The following DPY19L1 variants were observed in gnomAD, a reference collection of about 807,000 sequenced individuals.
DPY19L1 encodes the protein dpy-19 like C-mannosyltransferase 1.
In DPY19L1, 35 loss-of-function variants were observed where a neutral mutation model predicts 96.9. The observed-to-expected ratio is 0.36, with a 90% CI of 0.28 to 0.48. The LOEUF is 0.48. Ranked by LOEUF, DPY19L1 falls within the 20% of genes least tolerant of loss-of-function variation. The pLI, the probability that DPY19L1 is intolerant of heterozygous loss-of-function variation, is 0.99. For synonymous variants in DPY19L1, 205 were observed against 252.6 expected (o/e 0.81, Z 1.79); for missense variants, 521 against 777.9 (o/e 0.67, Z 3.93).
At chr7:34,944,788 T>C (rs1356229822) in intron 16 of DPY19L1, among the ~76,000 whole-genome samples, 1 of 152,172 alleles carries the variant, frequency 6.6e-6, no homozygotes, top group Non-Finnish European at 1.5e-5. Context: ...CTCTAGAGGG[T>C]ACACTTGCAC....
intron 1 of DPY19L1, among the ~76,000 whole-genome samples, chr7:35,036,791 T>C (rs775100448): frequency 4.0e-5 from 6 of 151,882 alleles, no homozygotes; most frequent in Non-Finnish European, 7.4e-5. Flanking sequence ...CAAGTCTCGT[T>C]AGCGCAGACC....
At chr7:34,969,632 G>C in intron 8 of DPY19L1, 100 bp from the exon 9 acceptor site, 2 of 538,522 alleles carry the variant, frequency 3.7e-6, no homozygotes, top group Non-Finnish European at 6.1e-6. Flanking sequence ...ATATGATCTG[G>C]TTATAACACA....
chr7:35,015,798 C>G (rs1237225291), intron 3 of DPY19L1, among the ~76,000 whole-genome samples: 1 of 152,202 alleles, frequency 6.6e-6, no homozygotes, highest in East Asian at 1.9e-4. Context: ...TCTTGAATTC[C>G]TTCCTGCCCA....
At chr7:34,951,914 T>C (rs1166957860) in intron 13 of DPY19L1, among the ~76,000 whole-genome samples, 1 of 151,714 alleles carries the variant, frequency 6.6e-6, no homozygotes, top group Admixed American at 6.6e-5. Flanking sequence ...AATGGATACA[T>C]TTCTGGAAAA....
At position 34,931,112 on chromosome 7, in the gene DPY19L1, CAG is replaced by C. The variant is rs756661932; in HGVS notation, c.*459_*460del. The C allele has an allele frequency of 1.3e-5, 2 of 152,556 alleles. No homozygotes were observed. The highest frequency in any genetic ancestry group is 2.9e-5 in the Non-Finnish European group (2 of 68,298). The allele number at this position is 152,556 out of a possible 1,614,324, so 9.5% of individuals were successfully genotyped here. A position where few individuals can be genotyped will look rare whatever the true frequency, so the allele number is the denominator to read the frequency against. ...CATCTACTGTAACTCAAGTTGATGA[CAG>C]GGGCTGACATGACCGAAGAACTTAC... On this transcript the variant is annotated 3_prime_UTR_variant, in exon 22 of 22. Coordinates refer to ENST00000638088, the MANE Select transcript of DPY19L1 (RefSeq NM_001366673.1).
intron 11 of DPY19L1, among the ~76,000 whole-genome samples, chr7:34,956,307 G>T (rs1455360314): frequency 6.9e-6 from 1 of 145,854 alleles, no homozygotes; most frequent in Non-Finnish European, 1.5e-5. Flanking sequence ...TGAGTACTTT[G>T]TCACCTTTCC....
chr7:34,990,554 G>T (rs1393813541), intron 6 of DPY19L1, among the ~76,000 whole-genome samples: 4 of 152,156 alleles, frequency 2.6e-5, no homozygotes, highest in Admixed American at 2.6e-4. Flanking sequence ...TTCAAAAACT[G>T]GAATAGAACA....
chr7:35,013,825 A>G (rs1785773894), intron 3 of DPY19L1, 120 bp from the exon 4 acceptor site: 4 of 660,478 alleles, frequency 6.1e-6, no homozygotes, highest in Non-Finnish European at 9.4e-6. Context: ...AATACAATGA[A>G]TTTCACAGGT....
intron 7 of DPY19L1, among the ~76,000 whole-genome samples, chr7:34,989,489 G>A (rs573147010): frequency 4.5e-4 from 69 of 152,052 alleles, no homozygotes; most frequent in Non-Finnish European, 6.8e-4. Flanking sequence ...GGTGATAAGC[G>A]TCTGTAGTCC....
chr7:34,987,660 TG>T (rs1349720692), intron 7 of DPY19L1, among the ~76,000 whole-genome samples: 1 of 152,050 alleles, frequency 6.6e-6, no homozygotes, highest in Non-Finnish European at 1.5e-5. Context: ...AGTAACCCAG[TG>T]GCATTTCCAG....
At chr7:34,992,137 C>T (rs2128672789) in intron 6 of DPY19L1, among the ~76,000 whole-genome samples, 1 of 152,292 alleles carries the variant, frequency 6.6e-6, no homozygotes, top group East Asian at 1.9e-4. Flanking sequence ...GTCGTTTCTC[C>T]ACCCCTCGTG....
intron 7 of DPY19L1, among the ~76,000 whole-genome samples, chr7:34,989,277 A>G (rs1785113462): frequency 6.6e-6 from 1 of 152,236 alleles, no homozygotes; most frequent in Admixed American, 6.5e-5. Context: ...TACTTCCATT[A>G]TAACTAAATT....
At chr7:34,981,877 G>A (rs1784947466) in intron 7 of DPY19L1, among the ~76,000 whole-genome samples, 1 of 152,164 alleles carries the variant, frequency 6.6e-6, no homozygotes, top group Admixed American at 6.5e-5. Flanking sequence ...TTGAACCCGG[G>A]AGGCAGAGGC....
chr7:34,973,530 C>T lies in DPY19L1; in HGVS notation c.898G>A (p.Val300Met), dbSNP rs780780631. 1.3e-6 allele frequency: 2 copies of T among 1,535,390 alleles called. No homozygotes were observed. Among genetic ancestry groups the T allele is most frequent in the Non-Finnish European group, 1.8e-6 (2 of 1,140,976 alleles). ...CAAAGTTACCTGAGAATATGAGTCA[C>T]TAGCAACATCTGAAGAACAAGAAAT... is the stretch of plus-strand genomic sequence containing the variant. ...YPFLVLQMLL[V>M]THILRATKLY... The change falls in exon 8 of 22, where the codon GTG (valine) becomes ATG (methionine). Residue 300 changes from valine to methionine, a missense_variant. Val to Met is a conservative substitution (Grantham distance 21). Coordinates refer to ENST00000638088, the MANE Select transcript of DPY19L1 (RefSeq NM_001366673.1).
In DPY19L1 at chr7:34,959,857, G is replaced by A. The variant is rs1440658352; in HGVS notation, c.1093-1787C>T. 7.2e-4 allele frequency among the ~76,000 whole-genome samples: 102 copies of A among 142,538 alleles called. 1 individual carries two copies. The highest frequency in any genetic ancestry group is 2.5e-3 in the African/African-American group (96 of 38,666). The allele number at this position is 142,538 out of a possible 152,430, so 93.5% of individuals were successfully genotyped here. ...CTGCACATATACTCCAGAACTTAAA[G>A]TATATATATATATTTTAATATATAT... On this transcript the variant is annotated intron_variant, in intron 10 of 21. Transcript: ENST00000638088.
At chr7:34,986,235 T>TG (rs1243315932) in intron 7 of DPY19L1, among the ~76,000 whole-genome samples, 28 of 152,136 alleles carry the variant, frequency 1.8e-4, no homozygotes, top group Admixed American at 1.7e-3. Context: ...AATGATCTAT[T>TG]GTTCCACTTG....
At position 35,004,484 on chromosome 7, in the gene DPY19L1, A is replaced by G. The variant is rs1206764712; in HGVS notation, c.764+5984T>C. ...TGTCATTTCTTCTGAGGGTTGAGGG[A>G]AGGAAAGAGAATGTATTAAGAAGGA... is the stretch of plus-strand genomic sequence containing the variant. On this transcript the variant is annotated intron_variant, in intron 6 of 21. Coordinates refer to ENST00000638088, the MANE Select transcript of DPY19L1 (RefSeq NM_001366673.1). Among the ~76,000 whole-genome samples, 4 of 152,310 alleles carry G rather than the reference A, an allele frequency of 2.6e-5. No individual in the cohort carries two copies. In the East Asian group the frequency reaches 7.7e-4, roughly 29 times the overall value.
chr7:34,965,446 G>T (rs554872326), intron 10 of DPY19L1, among the ~76,000 whole-genome samples: 1 of 152,192 alleles, frequency 6.6e-6, no homozygotes, highest in East Asian at 1.9e-4. Context: ...GTACTATTTA[G>T]TAATCCACAT....
chr7:35,037,864 C>T, upstream of DPY19L1: 2 of 1,236,056 alleles, frequency 1.6e-6, no homozygotes, highest in East Asian at 3.2e-5. Flanking sequence ...GACGCGGGGG[C>T]GGACGGCCTT....
Sources: allele counts gnomAD v4.1 joint callset (sites outside exome capture counted in the v4.1 genomes callset), GRCh38; gene constraint gnomAD v4.1.1; transcripts MANE v1.5; gene names NCBI Gene and HGNC (gene_info 2026-07-23, HGNC 2026-07-21).